The following DCLK2 variants were observed in gnomAD, a reference collection of about 807,000 sequenced individuals.
The protein encoded by DCLK2 is serine/threonine-protein kinase DCLK2.
A neutral mutation model predicts 78.4 loss-of-function variants in DCLK2; 31 were observed. That is an observed-to-expected ratio of 0.40 (90% CI 0.30 to 0.53). The LOEUF is 0.53. Ranked by LOEUF, DCLK2 falls within the 20% of genes least tolerant of loss-of-function variation. The probability of loss-of-function intolerance (pLI) is 0.61; values close to 1 mark genes in which losing one functional copy is unlikely to be tolerated. For synonymous variants in DCLK2, 407 were observed against 374.9 expected (o/e 1.09, Z -0.99); for missense variants, 872 against 973.7 (o/e 0.90, Z 1.39).
intron 2 of DCLK2, among the ~76,000 whole-genome samples, chr4:150,144,734 G>A (rs1734341656): frequency 6.6e-6 from 1 of 152,082 alleles, no homozygotes; most frequent in Non-Finnish European, 1.5e-5. Flanking sequence ...CTGCAGGCAT[G>A]TGCCATCACA....
At position 150,102,647 on chromosome 4, in the gene DCLK2, G is replaced by A. The variant is rs780063056; in HGVS notation, c.591G>A (p.Lys197=). The part of the protein sequence containing the change: ...VKESKDFIKP[K]LVTVIRSGVK... The stretch of plus-strand genomic sequence containing the variant: ...AAAGTAAAGATTTCATCAAACCCAA[G>A]TTAGTGACTGTGATTCGAAGTGGAG... Residue 197 remains lysine (K), a synonymous_variant, in exon 2 of 16, where the codon AAG becomes AAA. Transcript: ENST00000296550. 2 of 1,614,164 alleles carry A rather than the reference G, an allele frequency of 1.2e-6. No homozygotes were observed. The highest frequency in any genetic ancestry group is 2.2e-5 in the South Asian group (2 of 91,082).
At chr4:150,240,499 T>C (rs749353091) in intron 12 of DCLK2, 23 bp downstream of exon 12, 5 of 1,605,282 alleles carry the variant, frequency 3.1e-6, no homozygotes, top group South Asian at 1.1e-5. Flanking sequence ...TTGGGCGACG[T>C]ATTTGAATTG....
intron 2 of DCLK2, among the ~76,000 whole-genome samples, chr4:150,151,645 C>A (rs1734901705): frequency 6.6e-6 from 1 of 152,072 alleles, no homozygotes; most frequent in Admixed American, 6.5e-5. Context: ...TGGCTCTGGG[C>A]CGGGTGCGGT....
chr4:150,102,497 A>G lies in DCLK2; in HGVS notation c.441A>G (p.Ala147=). 6.2e-7 allele frequency: 1 copy of G among 1,613,304 alleles called. No homozygotes were observed. Among genetic ancestry groups the G allele is most frequent in the Non-Finnish European group, 8.5e-7 (1 of 1,179,340 alleles). ...ELLEGESYVC[A]SNEPFRKVDY... ...TTTTAGGTGAGAGTTACGTGTGTGC[A>G]TCCAATGAACCATTTCGTAAAGTCG... The change falls in exon 2 of 16, where the codon GCA becomes GCG. Residue 147 remains alanine (A), a synonymous_variant. Coordinates refer to ENST00000296550, the MANE Select transcript of DCLK2 (RefSeq NM_001040260.4).
intron 1 of DCLK2, among the ~76,000 whole-genome samples, chr4:150,089,527 C>T (rs888675409): frequency 6.6e-6 from 1 of 152,166 alleles, no homozygotes; most frequent in Non-Finnish European, 1.5e-5. Context: ...CTTAAGGTTG[C>T]ATTGTTTCTC....
intron 4 of DCLK2, among the ~76,000 whole-genome samples, chr4:150,200,871 T>C (rs1659906960): frequency 6.6e-6 from 1 of 152,186 alleles, no homozygotes; most frequent in South Asian, 2.1e-4. Context: ...CAGGCTGGAG[T>C]GCAGTGGTGT....
chr4:150,237,459 A>C (rs553076208), intron 10 of DCLK2, among the ~76,000 whole-genome samples: 2 of 152,364 alleles, frequency 1.3e-5, no homozygotes, highest in Non-Finnish European at 2.9e-5. Context: ...TAAAGTCATA[A>C]AGATATGTGT....
chr4:150,102,898 G>T, intron 2 of DCLK2, 86 bp downstream of exon 2: 1 of 1,268,642 alleles, frequency 7.9e-7, no homozygotes, highest in South Asian at 1.5e-5. Context: ...TAGAAATTTA[G>T]TAGTGTGCTA....
At position 150,220,688 on chromosome 4, in the gene DCLK2, A is replaced by G. The variant is rs1396940950; in HGVS notation, c.1057-15A>G. On this transcript the variant is annotated splice_polypyrimidine_tract_variant and intron_variant, in intron 5 of 15. Transcript: ENST00000296550. The stretch of plus-strand genomic sequence containing the variant: ...TAAATTATCCTGATAAATAATGGTC[A>G]TTCTCCTCTTTCAGCAGATTTCTGC... 9.3e-6 allele frequency: 15 copies of G among 1,607,476 alleles called. No homozygotes were observed. The highest frequency in any genetic ancestry group is 1.3e-5 in the Non-Finnish European group (15 of 1,174,680).
intron 15 of DCLK2, among the ~76,000 whole-genome samples, chr4:150,252,699 G>T (rs1017978452): frequency 6.6e-5 from 10 of 152,246 alleles, no homozygotes; most frequent in African/African-American, 2.4e-4. Flanking sequence ...CTGACAGGGT[G>T]TTTGTGTGAA....
At chr4:150,183,494 T>G (rs1339355186) in intron 2 of DCLK2, among the ~76,000 whole-genome samples, 1 of 152,140 alleles carries the variant, frequency 6.6e-6, no homozygotes, top group Non-Finnish European at 1.5e-5. Flanking sequence ...AGGGCCAAAA[T>G]TTGATCAACC....
At chr4:150,153,108 T>G (rs116180006) in intron 2 of DCLK2, among the ~76,000 whole-genome samples, 2,021 of 152,248 alleles carry the variant, frequency 0.013, 22 homozygotes, top group Non-Finnish European at 0.021. Context: ...AGCAAAGGCA[T>G]AGAAGTACAT....
intron 6 of DCLK2, among the ~76,000 whole-genome samples, chr4:150,221,309 C>T (rs915206120): frequency 1.7e-4 from 26 of 150,414 alleles, no homozygotes; most frequent in African/African-American, 5.9e-4. Flanking sequence ...TCCTCTTCTC[C>T]TTTCTTTGTT....
chr4:150,129,150 C>G (rs1283651656), intron 2 of DCLK2, among the ~76,000 whole-genome samples: 1 of 152,124 alleles, frequency 6.6e-6, no homozygotes, highest in Non-Finnish European at 1.5e-5. Context: ...TTACCCTCAA[C>G]AAGATATTTT....
intron 2 of DCLK2, among the ~76,000 whole-genome samples, chr4:150,111,352 T>G (rs542384620): frequency 6.6e-6 from 1 of 152,172 alleles, no homozygotes; most frequent in Non-Finnish European, 1.5e-5. Context: ...TCTCAATGAT[T>G]TGAGTTCCTT....
chr4:150,107,338 T>C (rs1199527470), intron 2 of DCLK2, among the ~76,000 whole-genome samples: 1 of 152,032 alleles, frequency 6.6e-6, no homozygotes, highest in African/African-American at 2.4e-5. Flanking sequence ...TGATGCAAGA[T>C]TGTTAGAATG....
At chr4:150,146,727 T>C (rs1163363774) in intron 2 of DCLK2, among the ~76,000 whole-genome samples, 1 of 152,222 alleles carries the variant, frequency 6.6e-6, no homozygotes, top group East Asian at 1.9e-4. Flanking sequence ...TTATTTACTA[T>C]TAAAGAATCC....
At chr4:150,104,037 A>G (rs1731063250) in intron 2 of DCLK2, among the ~76,000 whole-genome samples, 1 of 152,090 alleles carries the variant, frequency 6.6e-6, no homozygotes, top group Non-Finnish European at 1.5e-5. Flanking sequence ...CAAATAGTTG[A>G]TTCTTGATGG....
Position 150,102,821 on chromosome 4 carries a change from C to A in DCLK2, c.756+9C>A. 6.3e-7 allele frequency: 1 copy of A among 1,584,730 alleles called. No homozygotes were observed. Among genetic ancestry groups the A allele is most frequent in the Non-Finnish European group, 8.6e-7 (1 of 1,167,398 alleles). On this transcript the variant is annotated intron_variant, in intron 2 of 15. Coordinates refer to ENST00000296550, the MANE Select transcript of DCLK2 (RefSeq NM_001040260.4). ...CCCTGGATGGAAAGCAGGTAAGATG[C>A]TTCTAGCTCCCAGCTCTCCATCTGA...
Sources: gnomAD v4.1 joint callset for allele counts (sites outside exome capture counted in the v4.1 genomes callset) on GRCh38, gnomAD v4.1.1 for gene constraint, MANE v1.5 for transcripts, NCBI Gene and HGNC (gene_info 2026-07-23, HGNC 2026-07-21) for gene names.